Variants in CBX6 observed in about 807,000 individuals in gnomAD.
CBX6 encodes the protein chromobox protein homolog 6.
CBX6 carries 7 observed loss-of-function variants against 28.4 expected under a neutral mutation model. That is an observed-to-expected ratio of 0.25 (90% CI 0.14 to 0.46). The LOEUF (loss-of-function observed/expected upper bound fraction) is 0.46. Ranked by LOEUF, CBX6 falls within the 20% of genes least tolerant of loss-of-function variation. CBX6 has a pLI of 0.99. For synonymous variants in CBX6, 297 were observed against 273.4 expected (o/e 1.09, Z -0.85); for missense variants, 512 against 606.1 (o/e 0.84, Z 1.63).
intron 4 of CBX6, among the ~76,000 whole-genome samples, chr22:38,867,410 C>T (rs2093173341): frequency 6.6e-6 from 1 of 152,212 alleles, no homozygotes; most frequent in African/African-American, 2.4e-5. Flanking sequence ...AGGTCAGAGT[C>T]AGGACACCCT....
In CBX6 at chr22:38,872,023, G is replaced by A. The variant is rs1170829788; in HGVS notation, c.70-78C>T. 7.2e-6 allele frequency: 10 copies of A among 1,394,390 alleles called. No homozygotes were observed. Among genetic ancestry groups the A allele is most frequent in the African/African-American group, 1.5e-5 (1 of 66,004 alleles). The allele number at this position is 1,394,390 out of a possible 1,614,324, so 86.4% of individuals were successfully genotyped here. On this transcript the variant is annotated intron_variant, in intron 1 of 4. Transcript: ENST00000407418. This position sits in a 1 kb window ranked among gnomAD's most constrained non-coding sequence, Gnocchi z 5.0. Reference sequence around the variant, plus strand: ...CGCGAGGAGGCGGCGGCGCGGGGCTGGGCGAGGGAGCCGGGCTAGCGGGAC... The same window carrying A: ...CGCGAGGAGGCGGCGGCGCGGGGCTAGGCGAGGGAGCCGGGCTAGCGGGAC...
intron 4 of CBX6, 101 bp from the exon 5 acceptor site, chr22:38,867,302 C>T: frequency 9.8e-7 from 1 of 1,015,622 alleles, no homozygotes; most frequent in Non-Finnish European, 1.4e-6. Flanking sequence ...TCTCAGCCAG[C>T]GATCCCGAGA....
In CBX6 at chr22:38,872,101, C is replaced by T; in HGVS notation, c.69+21G>A. ...GGCCCCGGCTGCGGACAGCGGCGGC[C>T]CGCCCCGGGCGGCGGCTCACCTTTC... On this transcript the variant is annotated intron_variant, in intron 1 of 4. Transcript: ENST00000407418. This position sits in a 1 kb window ranked among gnomAD's most constrained non-coding sequence, Gnocchi z 5.0. The T allele has an allele frequency of 7.3e-7, 1 of 1,365,500 alleles. No individual in the cohort carries two copies. Among genetic ancestry groups the T allele is most frequent in the South Asian group, 1.5e-5 (1 of 65,540 alleles). The allele number at this position is 1,365,500 out of a possible 1,614,324, so 84.6% of individuals were successfully genotyped here.
intron 4 of CBX6, among the ~76,000 whole-genome samples, chr22:38,868,068 CTT>C (rs2093174713): frequency 6.6e-6 from 1 of 152,202 alleles, no homozygotes; most frequent in African/African-American, 2.4e-5. Flanking sequence ...CATGAAATCT[CTT>C]TAAAGCCACA....
Position 38,866,630 on chromosome 22 carries a change from G to T in CBX6, c.818C>A (p.Ser273Tyr), listed in dbSNP as rs568802295. ...APAAPYDARS[S>Y]GSSGCPSPTP... is the part of the protein sequence containing the mutation. ...AGGCGAGGGGCAGCCGGAGGAGCCA[G>T]AGCTGCGGGCGTCGTAGGGGGCGGC... The change falls in exon 5 of 5, where the codon TCT becomes TAT. Residue 273 changes from serine (S) to tyrosine (Y), a missense_variant. Ser to Tyr is a moderately radical substitution (Grantham distance 144, BLOSUM62 -2). Transcript: ENST00000407418. This position sits in a 1 kb window ranked among gnomAD's most constrained non-coding sequence, Gnocchi z 7.5. The T allele has an allele frequency of 6.6e-7, 1 of 1,519,654 alleles. No homozygotes were observed. Among genetic ancestry groups the T allele is most frequent in the Admixed American group, 2.0e-5 (1 of 51,090 alleles). The allele number at this position is 1,519,654 out of a possible 1,614,324, so 94.1% of individuals were successfully genotyped here. A position where few individuals can be genotyped will look rare whatever the true frequency, so the allele number is the denominator to read the frequency against.
Position 38,871,590 on chromosome 22 carries a change from G to A in CBX6, c.180-44C>T. ...AGAGGTTAAAAAGAGCCCCTTCCCG[G>A]GCCCCACTCCGCGCTGCCCTCCCCG... is the stretch of plus-strand genomic sequence containing the variant. On this transcript the variant is annotated intron_variant, in intron 3 of 4. Transcript: ENST00000407418. The surrounding 1 kb of genome is among the most constrained non-coding windows in gnomAD (Gnocchi z 5.6). 1 of 1,612,710 alleles carries A rather than the reference G, an allele frequency of 6.2e-7. No homozygotes were observed. The highest frequency in any genetic ancestry group is 8.5e-7 in the Non-Finnish European group (1 of 1,179,086).
Position 38,871,169 on chromosome 22 carries a change from C to T in CBX6, c.246+311G>A, listed in dbSNP as rs996256368. 53 of 475,838 alleles carry T rather than the reference C, an allele frequency of 1.1e-4. No individual in the cohort carries two copies. Among genetic ancestry groups the T allele is most frequent in the Non-Finnish European group, 1.7e-4 (45 of 266,236 alleles). 29.5% of individuals were successfully genotyped at this position (475,838 alleles called of 1,614,324 possible). A position where few individuals can be genotyped will look rare whatever the true frequency, so the allele number is the denominator to read the frequency against. ...GTCATAACAGCTCAAACAAATGCCCCCTTCCCATGGGCATCCCCCACCTGC... is the reference window on the plus strand; with the variant it reads ...GTCATAACAGCTCAAACAAATGCCCTCTTCCCATGGGCATCCCCCACCTGC... On this transcript the variant is annotated intron_variant, in intron 4 of 4. Coordinates refer to ENST00000407418, the MANE Select transcript of CBX6 (RefSeq NM_014292.5). This position sits in a 1 kb window ranked among gnomAD's most constrained non-coding sequence, Gnocchi z 5.6.
rs2093159797 is a variant in CBX6, at chr22:38,862,543, A to AAAAAAAAAAAAAAAAAAAAAAAC, written c.*3665_*3666insGTTTTTTTTTTTTTTTTTTTTTT. On this transcript the variant is annotated 3_prime_UTR_variant, in exon 5 of 5. Transcript: ENST00000407418. ...CAAAAAAAAAAAAAAAAAAAAAAAA[A>AAAAAAAAAAAAAAAAAAAAAAAC]AAGAAAGAAAGAAAAAAGAAAAACA... The AAAAAAAAAAAAAAAAAAAAAAAC allele has an allele frequency of 9.4e-6, 1 of 106,656 alleles. No individual in the cohort carries two copies. Among genetic ancestry groups the AAAAAAAAAAAAAAAAAAAAAAAC allele is most frequent in the Non-Finnish European group, 1.8e-5 (1 of 54,762 alleles). The allele number at this position is 106,656 out of a possible 1,614,324, so 6.6% of individuals were successfully genotyped here. A position where few individuals can be genotyped will look rare whatever the true frequency, so the allele number is the denominator to read the frequency against.
Position 38,872,103 on chromosome 22 carries a change from G to A in CBX6, c.69+19C>T, listed in dbSNP as rs1345086556. Reference sequence around the variant, plus strand: ...CCCCGGCTGCGGACAGCGGCGGCCCGCCCCGGGCGGCGGCTCACCTTTCGG... The same window carrying A: ...CCCCGGCTGCGGACAGCGGCGGCCCACCCCGGGCGGCGGCTCACCTTTCGG... On this transcript the variant is annotated intron_variant, in intron 1 of 4. Transcript: ENST00000407418. The surrounding 1 kb of genome is among the most constrained non-coding windows in gnomAD (Gnocchi z 5.0). 2.2e-6 allele frequency: 3 copies of A among 1,366,052 alleles called. No individual in the cohort carries two copies. Among genetic ancestry groups the A allele is most frequent in the East Asian group, 3.8e-5 (1 of 26,616 alleles). 84.6% of individuals were successfully genotyped at this position (1,366,052 alleles called of 1,614,324 possible).
chr22:38,866,110 G>C lies in CBX6; in HGVS notation c.*99C>G, dbSNP rs906350413. 3.3e-6 allele frequency: 3 copies of C among 916,574 alleles called. No individual in the cohort carries two copies. The highest frequency in any genetic ancestry group is 4.9e-6 in the Non-Finnish European group (3 of 613,054). The allele number at this position is 916,574 out of a possible 1,614,324, so 56.8% of individuals were successfully genotyped here. A position where few individuals can be genotyped will look rare whatever the true frequency, so the allele number is the denominator to read the frequency against. ...CACCGAGCCATTTGAGACAAGCAAAGCACAGGGAGAGAGGGCTGGGGGCAA... is the reference window on the plus strand; with the variant it reads ...CACCGAGCCATTTGAGACAAGCAAACCACAGGGAGAGAGGGCTGGGGGCAA... On this transcript the variant is annotated 3_prime_UTR_variant, in exon 5 of 5. Coordinates refer to ENST00000407418, the MANE Select transcript of CBX6 (RefSeq NM_014292.5). The surrounding 1 kb of genome is among the most constrained non-coding windows in gnomAD (Gnocchi z 7.5).
Position 38,868,207 on chromosome 22 carries a change from G to A in CBX6, c.247-1006C>T, listed in dbSNP as rs192361836. Among the ~76,000 whole-genome samples the A allele has an allele frequency of 1.2e-3, 177 of 152,366 alleles. 2 individuals carry two copies. In the Middle Eastern group the frequency reaches 0.02, roughly 18 times the overall value. Reference sequence around the variant, plus strand: ...CATGGCCAGTCCTTTCTTTACTAAGGAAGGTACTGAGGCACCAGGCACCAG... The same window carrying A: ...CATGGCCAGTCCTTTCTTTACTAAGAAAGGTACTGAGGCACCAGGCACCAG... On this transcript the variant is annotated intron_variant, in intron 4 of 4. Transcript: ENST00000407418.
At position 38,866,506 on chromosome 22, in the gene CBX6, GTCGAGCACC is replaced by G. The variant is rs2146213035; in HGVS notation, c.933_941del (p.Glu311_Leu313del). The G allele has an allele frequency of 1.3e-6, 2 of 1,589,442 alleles. No homozygotes were observed. Among genetic ancestry groups the G allele is most frequent in the East Asian group, 4.5e-5 (2 of 44,370 alleles). On this transcript the variant is annotated inframe_deletion, in exon 5 of 5. Transcript: ENST00000407418. The surrounding 1 kb of genome is among the most constrained non-coding windows in gnomAD (Gnocchi z 7.5). Reference sequence around the variant, plus strand: ...CTGCCGACTCGGGAGGGAGGGACAGGTCGAGCACCTCCGGCTCGCGCCAGCTGGGGGCGG... The same window carrying G: ...CTGCCGACTCGGGAGGGAGGGACAGGTCCGGCTCGCGCCAGCTGGGGGCGG...
intron 4 of CBX6, among the ~76,000 whole-genome samples, chr22:38,867,552 C>T (rs1303529058): frequency 2.0e-5 from 3 of 152,210 alleles, no homozygotes; most frequent in South Asian, 2.1e-4. Flanking sequence ...GACACAGTGT[C>T]GGGAGGGCAG....
chr22:38,861,913 C>T lies in CBX6; in HGVS notation c.*4296G>A, dbSNP rs951734081. ...ATATTTTATATATATAGAATTCATTCGTGCACAATTCATTAAATGAACGTC... is the reference window on the plus strand; with the variant it reads ...ATATTTTATATATATAGAATTCATTTGTGCACAATTCATTAAATGAACGTC... On this transcript the variant is annotated 3_prime_UTR_variant, in exon 5 of 5. Coordinates refer to ENST00000407418, the MANE Select transcript of CBX6 (RefSeq NM_014292.5). 1.1e-4 allele frequency: 17 copies of T among 152,148 alleles called. No individual in the cohort carries two copies. The highest frequency in any genetic ancestry group is 1.8e-4 in the Non-Finnish European group (12 of 68,024). The allele number at this position is 152,148 out of a possible 1,614,324, so 9.4% of individuals were successfully genotyped here.
At position 38,866,382 on chromosome 22, in the gene CBX6, C is replaced by G. The variant is rs774128293; in HGVS notation, c.1066G>C (p.Gly356Arg). 1.9e-6 allele frequency: 3 copies of G among 1,613,516 alleles called. No individual in the cohort carries two copies. The highest frequency in any genetic ancestry group is 1.7e-5 in the Admixed American group (1 of 60,024). The change falls in exon 5 of 5, where the codon GGG (glycine) becomes CGG (arginine). Residue 356 changes from glycine (G) to arginine (R), a missense_variant. By Grantham distance (125) the Gly-to-Arg change is moderately radical. This residue lies in a region of CBX6 where 290 missense variants were observed against 274.1 expected (regional missense o/e 1.06). Coordinates refer to ENST00000407418, the MANE Select transcript of CBX6 (RefSeq NM_014292.5). This position sits in a 1 kb window ranked among gnomAD's most constrained non-coding sequence, Gnocchi z 7.5. ...GGTGACATCTCGGGGCGCCAGTCCC[C>G]AGCCTCGGGCTCGGAGGAGGCACCG... Reference protein sequence around the residue: ...PAGASSEPEAGDWRPEMSPCS... With the variant: ...PAGASSEPEARDWRPEMSPCS...
Position 38,871,393 on chromosome 22 carries a change from G to T in CBX6, c.246+87C>A. Reference sequence around the variant, plus strand: ...AAAAGGCCGGCCCGCTTGGGCGGCCGCGTATCTGTCCCTCCCTTCCAGGCC... The same window carrying T: ...AAAAGGCCGGCCCGCTTGGGCGGCCTCGTATCTGTCCCTCCCTTCCAGGCC... On this transcript the variant is annotated intron_variant, in intron 4 of 4. Transcript: ENST00000407418. This position sits in a 1 kb window ranked among gnomAD's most constrained non-coding sequence, Gnocchi z 5.6. 1 of 1,366,088 alleles carries T rather than the reference G, an allele frequency of 7.3e-7. No individual in the cohort carries two copies. The highest frequency in any genetic ancestry group is 1.0e-6 in the Non-Finnish European group (1 of 992,724). The allele number at this position is 1,366,088 out of a possible 1,614,324, so 84.6% of individuals were successfully genotyped here. A position where few individuals can be genotyped will look rare whatever the true frequency, so the allele number is the denominator to read the frequency against.
chr22:38,869,148 T>C (rs1369642562), intron 4 of CBX6, among the ~76,000 whole-genome samples: 3 of 152,228 alleles, frequency 2.0e-5, no homozygotes, highest in Non-Finnish European at 4.4e-5. Context: ...CCAGGCTTTT[T>C]TGGCGTGGTA....
rs771241347 is a variant in CBX6 at position 38,871,671 on chromosome 22, C to A, written c.179+21G>T. 4 of 1,613,102 alleles carry A rather than the reference C, an allele frequency of 2.5e-6. No individual in the cohort carries two copies. The African/African-American group carries it at 4.0e-5, about 16-fold the overall frequency. On this transcript the variant is annotated intron_variant, in intron 3 of 4. Transcript: ENST00000407418. This position sits in a 1 kb window ranked among gnomAD's most constrained non-coding sequence, Gnocchi z 5.6. ...CCGAGCCTCGGCCTCGCAGCCCCTG[C>A]CAGCTTCCCCAACAACTCACTTTTG...
chr22:38,871,331 G>T lies in CBX6; in HGVS notation c.246+149C>A. ...CCTGCCATCAGGGGCTTCTGGGGGG[G>T]CTCACAACCACCCCCTGCCCAGCTG... On this transcript the variant is annotated intron_variant, in intron 4 of 4. Transcript: ENST00000407418. This position sits in a 1 kb window ranked among gnomAD's most constrained non-coding sequence, Gnocchi z 5.6. 1 of 713,260 alleles carries T rather than the reference G, an allele frequency of 1.4e-6. No homozygotes were observed. The highest frequency in any genetic ancestry group is 3.6e-4 in the Middle Eastern group (1 of 2,804). 44.2% of individuals were successfully genotyped at this position (713,260 alleles called of 1,614,324 possible). A position where few individuals can be genotyped will look rare whatever the true frequency, so the allele number is the denominator to read the frequency against.
Sources: allele counts gnomAD v4.1 joint callset (sites outside exome capture counted in the v4.1 genomes callset), GRCh38; gene constraint gnomAD v4.1.1; regional missense constraint gnomAD v4.1.1; non-coding constraint Gnocchi (gnomAD v3.1); transcripts MANE v1.5; gene names NCBI Gene and HGNC (gene_info 2026-07-23, HGNC 2026-07-21).